Variants in PRKCA observed in about 807,000 individuals in gnomAD.
PRKCA encodes the protein protein kinase C alpha, also known as protein kinase C alpha type.
Under a neutral mutation model 87.0 loss-of-function variants are expected in PRKCA, and 27 were observed. The ratio of observed to expected loss-of-function variants is 0.31; its 90% CI spans 0.23 to 0.43. The LOEUF (loss-of-function observed/expected upper bound fraction) is 0.43. PRKCA is among the 20% of genes least tolerant of loss of function. The pLI is 1.00. For synonymous variants in PRKCA, 329 were observed against 311.1 expected (o/e 1.06, Z -0.61); for missense variants, 518 against 852.3 (o/e 0.61, Z 4.88).
At chr17:66,604,300 T>G (rs1970147735) in intron 3 of PRKCA, among the ~76,000 whole-genome samples, 1 of 152,210 alleles carries the variant, frequency 6.6e-6, no homozygotes, top group African/African-American at 2.4e-5. Flanking sequence ...AATAAACATT[T>G]TCTTAAACCT....
chr17:66,613,655 A>G (rs1031294572), intron 3 of PRKCA, among the ~76,000 whole-genome samples: 12 of 150,192 alleles, frequency 8.0e-5, no homozygotes, highest in Admixed American at 5.9e-4. Context: ...CATCACTCCA[A>G]TCTCTGCCTC....
At chr17:66,667,719 A>G (rs1367869070) in intron 5 of PRKCA, among the ~76,000 whole-genome samples, 4 of 152,212 alleles carry the variant, frequency 2.6e-5, no homozygotes, top group Non-Finnish European at 5.9e-5. Flanking sequence ...AGTGTCTGCC[A>G]TGAGAACTGA....
At chr17:66,540,403 G>T (rs990819705) in intron 3 of PRKCA, among the ~76,000 whole-genome samples, 1 of 152,186 alleles carries the variant, frequency 6.6e-6, no homozygotes, top group Admixed American at 6.5e-5. Flanking sequence ...CTGGGGGGAC[G>T]GCGTGTGCTG....
chr17:66,800,491 A>G (rs1975875989), intron 16 of PRKCA, among the ~76,000 whole-genome samples: 1 of 152,108 alleles, frequency 6.6e-6, no homozygotes, highest in South Asian at 2.1e-4. Context: ...TTCTCTGGAC[A>G]CCAGCTTTGG....
At chr17:66,700,004 AG>A (rs1973023470) in intron 8 of PRKCA, among the ~76,000 whole-genome samples, 2 of 152,280 alleles carry the variant, frequency 1.3e-5, no homozygotes, top group South Asian at 4.1e-4. Flanking sequence ...GGACATGACA[AG>A]AAAATAAAAT....
intron 16 of PRKCA, among the ~76,000 whole-genome samples, chr17:66,796,199 C>G (rs765082424): frequency 5.3e-5 from 8 of 152,144 alleles, no homozygotes; most frequent in Non-Finnish European, 1.0e-4. Flanking sequence ...AACTACTGGT[C>G]CTACTCTTCA....
At chr17:66,714,086 C>T (rs1973410914) in intron 8 of PRKCA, among the ~76,000 whole-genome samples, 1 of 152,178 alleles carries the variant, frequency 6.6e-6, no homozygotes, top group South Asian at 2.1e-4. Flanking sequence ...TGTTCACTTC[C>T]AAAGCCCAGC....
chr17:66,680,073 C>G lies in PRKCA; in HGVS notation c.530-7038C>G, dbSNP rs373939033. On this transcript the variant is annotated intron_variant, in intron 5 of 16. Coordinates refer to ENST00000413366, the MANE Select transcript of PRKCA (RefSeq NM_002737.3). ...AGACAAGGCTCATGGGTTGTGGAAG[C>G]GTCCTTCACTCCGTGGCCTGGTGTT... Among the ~76,000 whole-genome samples the G allele has an allele frequency of 3.2e-4, 48 of 152,290 alleles. 1 individual carries two copies. Among genetic ancestry groups the G allele is most frequent in the African/African-American group, 1.0e-3 (42 of 41,578 alleles).
At chr17:66,644,904 C>T (rs61762401) in intron 4 of PRKCA, among the ~76,000 whole-genome samples, 1,860 of 151,748 alleles carry the variant, frequency 0.012, 46 homozygotes, top group African/African-American at 0.042. Context: ...GTGGGAGGAC[C>T]ACTTGAGCCC....
intron 13 of PRKCA, among the ~76,000 whole-genome samples, chr17:66,760,634 T>C (rs1974662153): frequency 6.6e-6 from 1 of 152,190 alleles, no homozygotes; most frequent in Non-Finnish European, 1.5e-5. Context: ...ATAAAATTGA[T>C]AAGCCTCAAG....
chr17:66,442,843 C>T (rs538150446), intron 2 of PRKCA, among the ~76,000 whole-genome samples: 1 of 152,178 alleles, frequency 6.6e-6, no homozygotes, highest in Non-Finnish European at 1.5e-5. Flanking sequence ...ACACTTTTCT[C>T]TCTTTTGAGA....
intron 13 of PRKCA, among the ~76,000 whole-genome samples, chr17:66,768,200 G>T (rs7210315): frequency 0.53 from 80,668 of 150,882 alleles, 22,111 homozygotes; most frequent in African/African-American, 0.66. Context: ...CGCCTGGGCC[G>T]CCCAAAGTGC....
chr17:66,684,883 A>G (rs761829588), intron 5 of PRKCA, among the ~76,000 whole-genome samples: 3 of 152,180 alleles, frequency 2.0e-5, no homozygotes, highest in Non-Finnish European at 4.4e-5. Flanking sequence ...TCTGATTCTC[A>G]TTCTGGTGTT....
intron 14 of PRKCA, among the ~76,000 whole-genome samples, chr17:66,776,754 T>G (rs1023107805): frequency 6.6e-6 from 1 of 152,336 alleles, no homozygotes; most frequent in Non-Finnish European, 1.5e-5. Flanking sequence ...GTTTTATGCA[T>G]TGGTGTTCTT....
intron 3 of PRKCA, among the ~76,000 whole-genome samples, chr17:66,594,730 C>T (rs191908802): frequency 6.6e-6 from 1 of 152,138 alleles, no homozygotes; most frequent in Admixed American, 6.5e-5. Context: ...GAACCCAGCT[C>T]CTCTCTACCA....
intron 2 of PRKCA, among the ~76,000 whole-genome samples, chr17:66,418,629 G>T (rs1421236519): frequency 6.6e-6 from 1 of 151,980 alleles, no homozygotes; most frequent in Non-Finnish European, 1.5e-5. Context: ...TAGAGACGGG[G>T]TTTCACCATA....
At chr17:66,482,098 CAAAA>C (rs58719328) in intron 2 of PRKCA, among the ~76,000 whole-genome samples, 10 of 89,340 alleles carry the variant, frequency 1.1e-4, no homozygotes, top group African/African-American at 3.7e-4. Flanking sequence ...AAGACTGTCT[CAAAA>C]AAAAAAAAAA....
At chr17:66,377,824 T>C (rs1255606863) in intron 2 of PRKCA, among the ~76,000 whole-genome samples, 1 of 147,876 alleles carries the variant, frequency 6.8e-6, no homozygotes, top group Non-Finnish European at 1.5e-5. Flanking sequence ...TCTCACTACA[T>C]TGCCCAGGCT....
At chr17:66,732,352 G>C (rs752211835) in intron 8 of PRKCA, among the ~76,000 whole-genome samples, 17 of 152,096 alleles carry the variant, frequency 1.1e-4, no homozygotes, top group Non-Finnish European at 1.6e-4. Flanking sequence ...TATGTTCATG[G>C]ACCCGAAGCA....
Sources: allele counts gnomAD v4.1 joint callset (sites outside exome capture counted in the v4.1 genomes callset), GRCh38; gene constraint gnomAD v4.1.1; transcripts MANE v1.5; gene names NCBI Gene and HGNC (gene_info 2026-07-23, HGNC 2026-07-21).